The following CAMK2G variants were observed in gnomAD, a reference collection of about 807,000 sequenced individuals.
The protein encoded by CAMK2G is calcium/calmodulin dependent protein kinase II gamma, also known as calcium/calmodulin-dependent protein kinase type II subunit gamma.
Under a neutral mutation model 88.7 loss-of-function variants are expected in CAMK2G, and 23 were observed. The ratio of observed to expected loss-of-function variants is 0.26; its 90% confidence interval spans 0.19 to 0.37. The LOEUF is 0.37. Among genes scored for constraint, CAMK2G ranks in the 10% least tolerant of loss-of-function variants. The pLI is 1.00. For synonymous variants in CAMK2G, 263 were observed against 294.8 expected (o/e 0.89, Z 1.11); for missense variants, 476 against 780.8 (o/e 0.61, Z 4.65).
intron 2 of CAMK2G, among the ~76,000 whole-genome samples, chr10:73,865,372 C>T (rs145434833): frequency 0.01 from 1,583 of 152,302 alleles, 21 homozygotes; most frequent in East Asian, 0.053. Context: ...TTCCTCGCAG[C>T]CGTGGCACCC....
intron 2 of CAMK2G, among the ~76,000 whole-genome samples, chr10:73,863,194 G>A (rs906317457): frequency 6.6e-6 from 1 of 152,194 alleles, no homozygotes; most frequent in Non-Finnish European, 1.5e-5. Flanking sequence ...CAGCTAATCC[G>A]TCCCAGCTGC....
intron 3 of CAMK2G, among the ~76,000 whole-genome samples, chr10:73,857,644 A>T (rs938201445): frequency 6.6e-6 from 1 of 152,220 alleles, no homozygotes; most frequent in African/African-American, 2.4e-5. Flanking sequence ...ACTATGATCG[A>T]AACTGCTGGG....
At chr10:73,817,642 G>T in intron 19 of CAMK2G, 88 bp from the exon 20 acceptor site, 1 of 841,622 alleles carries the variant, frequency 1.2e-6, no homozygotes, top group Non-Finnish European at 2.1e-6. Flanking sequence ...AGTCCCCTGT[G>T]ATCGCTTATG....
intron 3 of CAMK2G, among the ~76,000 whole-genome samples, chr10:73,859,671 C>T (rs1397018237): frequency 6.6e-6 from 1 of 152,274 alleles, no homozygotes; most frequent in Non-Finnish European, 1.5e-5. Flanking sequence ...CCGATCACCA[C>T]TGGCCACACC....
chr10:73,852,541 CA>C, intron 4 of CAMK2G: 1 of 550,792 alleles, frequency 1.8e-6, no homozygotes, highest in Non-Finnish European at 3.2e-6. Context: ...TTTCTTTTTC[CA>C]AAATGCACAG....
chr10:73,871,008 C>T (rs2095808895), intron 2 of CAMK2G, among the ~76,000 whole-genome samples: 1 of 152,200 alleles, frequency 6.6e-6, no homozygotes, highest in African/African-American at 2.4e-5. Context: ...TCTGACCCCT[C>T]TGGCTGGCAT....
chr10:73,817,446 T>C lies in CAMK2G; in HGVS notation c.1439+33A>G, dbSNP rs778942311. The stretch of plus-strand genomic sequence containing the variant: ...AGCAGGGAAGGCCTTGGGAGATGAC[T>C]TAGGTCACAAAAAAAAATGGGTCTC... On this transcript the variant is annotated intron_variant, in intron 20 of 22. Transcript: ENST00000423381. The C allele has an allele frequency of 2.5e-5, 36 of 1,439,468 alleles. No homozygotes were observed. The South Asian group carries it at 4.1e-4, about 16-fold the overall frequency. The allele number at this position is 1,439,468 out of a possible 1,614,324, so 89.2% of individuals were successfully genotyped here.
At chr10:73,866,764 C>T (rs1436804925) in intron 2 of CAMK2G, among the ~76,000 whole-genome samples, 5 of 152,100 alleles carry the variant, frequency 3.3e-5, no homozygotes, top group Admixed American at 2.0e-4. Context: ...CAGCAGAGGC[C>T]GCCGTCTGGT....
intron 3 of CAMK2G, among the ~76,000 whole-genome samples, chr10:73,857,076 C>A (rs2095089096): frequency 6.6e-6 from 1 of 152,134 alleles, no homozygotes; most frequent in South Asian, 2.1e-4. Context: ...CTCCCCCCAC[C>A]CCCACCATGG....
chr10:73,853,534 T>C (rs967589103), intron 3 of CAMK2G, among the ~76,000 whole-genome samples: 3 of 152,172 alleles, frequency 2.0e-5, no homozygotes, highest in Non-Finnish European at 4.4e-5. Context: ...AGAGGGCTGG[T>C]CTCCGAGAAG....
At chr10:73,859,149 A>G (rs1354510380) in intron 3 of CAMK2G, among the ~76,000 whole-genome samples, 1 of 152,234 alleles carries the variant, frequency 6.6e-6, no homozygotes, top group Non-Finnish European at 1.5e-5. Flanking sequence ...AGTCACGCAC[A>G]TGTTTTTTCT....
At chr10:73,871,943 CG>C (rs2095847288) in intron 2 of CAMK2G, among the ~76,000 whole-genome samples, 1 of 152,138 alleles carries the variant, frequency 6.6e-6, no homozygotes, top group Admixed American at 6.5e-5. Context: ...CAGAGAAACC[CG>C]TGTCATTATT....
Position 73,860,899 on chromosome 10 carries a change from G to C in CAMK2G, c.161-10C>G. ...TCTAGTTTCTGGTGATCTAAAAGCA[G>C]AAGAGAAAAAACAAAAGCCATCAAC... is the stretch of plus-strand genomic sequence containing the variant. On this transcript the variant is annotated splice_polypyrimidine_tract_variant and intron_variant, in intron 2 of 22. Transcript: ENST00000423381. The C allele has an allele frequency of 6.2e-7, 1 of 1,610,926 alleles. No individual in the cohort carries two copies. The highest frequency in any genetic ancestry group is 1.1e-5 in the South Asian group (1 of 90,972).
At chr10:73,868,472 C>G (rs1347229613) in intron 2 of CAMK2G, among the ~76,000 whole-genome samples, 1 of 152,216 alleles carries the variant, frequency 6.6e-6, no homozygotes, top group East Asian at 1.9e-4. Flanking sequence ...ACAGAGGGAC[C>G]TGCAGTCGGC....
At chr10:73,835,463 AT>A (rs777685745) in intron 14 of CAMK2G, among the ~76,000 whole-genome samples, 3,386 of 139,840 alleles carry the variant, frequency 0.024, 30 homozygotes, top group Non-Finnish European at 0.03. Flanking sequence ...TGCCCAGTTA[AT>A]TTTTTTTTTT....
intron 2 of CAMK2G, among the ~76,000 whole-genome samples, chr10:73,872,556 GCTTTGTCAGAGCTGC>G (rs1472004491): frequency 6.6e-6 from 1 of 152,206 alleles, no homozygotes; most frequent in Non-Finnish European, 1.5e-5. Flanking sequence ...GGGGAGGCTG[GCTTTGTCAGAGCTGC>G]TCACTTACTG....
chr10:73,835,043 C>A (rs1038562024), intron 14 of CAMK2G, among the ~76,000 whole-genome samples: 3 of 152,162 alleles, frequency 2.0e-5, no homozygotes, highest in Admixed American at 6.5e-5. Context: ...ATATCCCTCC[C>A]CTCCTGTCTC....
At chr10:73,828,922 C>G (rs2091814067) in intron 14 of CAMK2G, among the ~76,000 whole-genome samples, 3 of 152,178 alleles carry the variant, frequency 2.0e-5, no homozygotes. Context: ...ACGTGGAACA[C>G]TGAAAATATA....
chr10:73,823,699 A>G (rs2089943750), intron 17 of CAMK2G, among the ~76,000 whole-genome samples: 1 of 152,166 alleles, frequency 6.6e-6, no homozygotes, highest in African/African-American at 2.4e-5. Flanking sequence ...AGAACGCTCC[A>G]GGGTCTGGAG....
Sources: allele counts gnomAD v4.1 joint callset (sites outside exome capture counted in the v4.1 genomes callset), GRCh38; gene constraint gnomAD v4.1.1; transcripts MANE v1.5; gene names NCBI Gene and HGNC (gene_info 2026-07-23, HGNC 2026-07-21).